CSMD1: variants seen among roughly 807,000 people sequenced by gnomAD.
CSMD1 encodes the protein CUB and Sushi multiple domains 1.
CSMD1 carries 213 observed loss-of-function variants against 417.5 expected under a neutral mutation model. The ratio of observed to expected loss-of-function variants is 0.51; its 90% CI spans 0.46 to 0.57. The LOEUF (loss-of-function observed/expected upper bound fraction) is 0.57. CSMD1 is among the 20% of genes least tolerant of loss of function. The pLI is 0.00. For synonymous variants in CSMD1, 2,862 were observed against 1,736.8 expected (o/e 1.65, Z -16.11); for missense variants, 6,923 against 4,529.7 (o/e 1.53, Z -15.17).
intron 25 of CSMD1, among the ~76,000 whole-genome samples, chr8:3,294,094 C>T (rs571388963): frequency 9.2e-5 from 14 of 152,302 alleles, no homozygotes; most frequent in East Asian, 5.8e-4. Context: ...AGGTGCACTC[C>T]GGACCCTGTT....
At chr8:3,736,011 T>C (rs887853354) in intron 6 of CSMD1, among the ~76,000 whole-genome samples, 18 of 151,550 alleles carry the variant, frequency 1.2e-4, no homozygotes, top group African/African-American at 4.4e-4. Context: ...TGCGGTGGAT[T>C]AAAAAAAATA....
intron 3 of CSMD1, among the ~76,000 whole-genome samples, chr8:4,101,376 C>T (rs1001645708): frequency 1.3e-5 from 2 of 152,128 alleles, no homozygotes; most frequent in African/African-American, 2.4e-5. Context: ...CCATCTGGGG[C>T]CCTGACAACG....
chr8:4,453,841 A>G (rs1374187499), intron 2 of CSMD1, among the ~76,000 whole-genome samples: 8 of 23,786 alleles, frequency 3.4e-4, no homozygotes, highest in African/African-American at 1.2e-3. Context: ...TTTTTTTTTG[A>G]GACAGAGTCT....
intron 3 of CSMD1, among the ~76,000 whole-genome samples, chr8:4,404,401 G>C (rs1036757618): frequency 2.0e-5 from 3 of 152,124 alleles, no homozygotes; most frequent in Admixed American, 6.6e-5. Context: ...GTAATCTCTA[G>C]AAATTGTTTC....
intron 1 of CSMD1, among the ~76,000 whole-genome samples, chr8:4,864,976 T>G (rs1165312316): frequency 1.3e-5 from 2 of 150,970 alleles, no homozygotes; most frequent in African/African-American, 4.9e-5. Flanking sequence ...ATAATATTAT[T>G]ATATAATTTG....
intron 25 of CSMD1, among the ~76,000 whole-genome samples, chr8:3,287,664 CTT>C (rs2117257786): frequency 6.6e-6 from 1 of 152,286 alleles, no homozygotes; most frequent in African/African-American, 2.4e-5. Flanking sequence ...TATCCTGAGA[CTT>C]TGCTGAAGTT....
At chr8:3,952,769 TA>T (rs2129893473) in intron 5 of CSMD1, among the ~76,000 whole-genome samples, 1 of 152,310 alleles carries the variant, frequency 6.6e-6, no homozygotes, top group Non-Finnish European at 1.5e-5. Flanking sequence ...TTCACTTCAA[TA>T]AAAACAAAAG....
intron 50 of CSMD1, among the ~76,000 whole-genome samples, chr8:3,051,813 G>A (rs1457900894): frequency 1.3e-5 from 2 of 152,172 alleles, no homozygotes; most frequent in African/African-American, 4.8e-5. Flanking sequence ...GAAATTTAGT[G>A]TGTATGTGAG....
intron 37 of CSMD1, 99 bp downstream of exon 37, chr8:3,181,011 A>G: frequency 1.3e-6 from 1 of 756,874 alleles, no homozygotes. Context: ...TTTTAGAAAA[A>G]TAATATTTCA....
chr8:4,743,399 G>T (rs74664460), intron 1 of CSMD1, among the ~76,000 whole-genome samples: 16 of 152,146 alleles, frequency 1.1e-4, no homozygotes, highest in African/African-American at 3.9e-4. Flanking sequence ...ATGAAACACA[G>T]GGAGTGGTAT....
At chr8:3,524,692 A>G (rs1463076719) in intron 10 of CSMD1, among the ~76,000 whole-genome samples, 4 of 150,542 alleles carry the variant, frequency 2.7e-5, no homozygotes, top group African/African-American at 9.9e-5. Context: ...CATGCACCAA[A>G]GAGACGTGCA....
At chr8:3,710,032 C>G (rs5003043) in intron 6 of CSMD1, among the ~76,000 whole-genome samples, 142,239 of 151,900 alleles carry the variant, frequency 0.94, 67,256 homozygotes, top group Non-Finnish European at 1. Context: ...ATAGCCCACT[C>G]TTGACCAGAT....
chr8:3,351,112 C>A (rs1008690336), intron 21 of CSMD1, among the ~76,000 whole-genome samples: 1 of 152,190 alleles, frequency 6.6e-6, no homozygotes, highest in African/African-American at 2.4e-5. Context: ...CTCTCATAAC[C>A]TGAGATGCAA....
Position 3,953,799 on chromosome 8 carries a change from C to A in CSMD1, c.818+44104G>T, listed in dbSNP as rs564992342. ...CCACAAGCCCCGCAACACCTCAGAG[C>A]TATACAGCCATGAGAGGTCTCATTT... On this transcript the variant is annotated intron_variant, in intron 5 of 69. Transcript: ENST00000635120. 7.9e-5 allele frequency among the ~76,000 whole-genome samples: 12 copies of A among 152,166 alleles called. No individual in the cohort carries two copies. In the East Asian group the frequency reaches 9.7e-4, roughly 12 times the overall value.
intron 1 of CSMD1, among the ~76,000 whole-genome samples, chr8:4,796,719 G>C (rs1264043960): frequency 6.6e-6 from 1 of 152,110 alleles, no homozygotes. Flanking sequence ...CTTGTACCAG[G>C]GCTCAAAATC....
At chr8:3,671,510 TATGATC>T (rs1278896344) in intron 7 of CSMD1, among the ~76,000 whole-genome samples, 1 of 4,718 alleles carries the variant, frequency 2.1e-4, no homozygotes, top group Non-Finnish European at 4.2e-4. Flanking sequence ...TATATATATA[TATGATC>T]ATATATATGA....
chr8:3,844,976 A>G (rs1192816147), intron 5 of CSMD1, among the ~76,000 whole-genome samples: 1 of 152,208 alleles, frequency 6.6e-6, no homozygotes, highest in Non-Finnish European at 1.5e-5. Context: ...AAGATGTGAT[A>G]TGCAGATACT....
intron 6 of CSMD1, among the ~76,000 whole-genome samples, chr8:3,741,074 G>A (rs1563329643): frequency 2.0e-5 from 3 of 152,048 alleles, no homozygotes; most frequent in Non-Finnish European, 4.4e-5. Flanking sequence ...AATTAGCCAG[G>A]TGTGGTGATA....
At chr8:3,748,374 A>G (rs760823259) in intron 6 of CSMD1, among the ~76,000 whole-genome samples, 2 of 152,216 alleles carry the variant, frequency 1.3e-5, no homozygotes, top group Non-Finnish European at 2.9e-5. Context: ...TCCCTCAAAT[A>G]CAAGATAGCA....
Sources: allele counts gnomAD v4.1 joint callset (sites outside exome capture counted in the v4.1 genomes callset), GRCh38; gene constraint gnomAD v4.1.1; transcripts MANE v1.5; gene names NCBI Gene and HGNC (gene_info 2026-07-23, HGNC 2026-07-21).